Variants in SDHA observed in about 807,000 individuals in gnomAD.
SDHA encodes the protein succinate dehydrogenase complex flavoprotein subunit A, also known as succinate dehydrogenase [ubiquinone] flavoprotein subunit, mitochondrial.
In SDHA, 48 loss-of-function variants were observed where a neutral mutation model predicts 78.4. The ratio of observed to expected loss-of-function variants is 0.61; its 90% confidence interval spans 0.49 to 0.78. The LOEUF is 0.78. Ranked by LOEUF, SDHA falls within the 30% of genes least tolerant of loss-of-function variation. The pLI is 0.00. For synonymous variants in SDHA, 326 were observed against 353.9 expected (o/e 0.92, Z 0.88); for missense variants, 680 against 892.7 (o/e 0.76, Z 3.04).
intron 11 of SDHA, among the ~76,000 whole-genome samples, chr5:242,115 T>A (rs1197530460): frequency 6.6e-6 from 1 of 152,160 alleles, no homozygotes; most frequent in Non-Finnish European, 1.5e-5. Flanking sequence ...CTCGTGGAAA[T>A]GCGTTCCGTT....
downstream of SDHA, among the ~76,000 whole-genome samples, chr5:257,418 C>G (rs866081164): frequency 2.2e-5 from 2 of 92,738 alleles, no homozygotes; most frequent in Middle Eastern, 5.4e-3. Context: ...ACTCTGTGAA[C>G]ACCACCTGTC....
chr5:241,291 T>C (rs1057331877), intron 11 of SDHA, among the ~76,000 whole-genome samples: 2 of 152,136 alleles, frequency 1.3e-5, no homozygotes, highest in African/African-American at 4.8e-5. Context: ...AGGGCAGCTT[T>C]CTCTTAGAGG....
At chr5:258,235 C>T (rs1414192231), downstream of SDHA, among the ~76,000 whole-genome samples, 2 of 123,020 alleles carry the variant, frequency 1.6e-5, no homozygotes, top group African/African-American at 4.4e-5. Context: ...GCTCCGCCCC[C>T]TGTCAGAGCA....
intron 9 of SDHA, 155 bp downstream of exon 9, chr5:235,494 C>A: frequency 1.3e-6 from 1 of 771,622 alleles, no homozygotes; most frequent in South Asian, 1.5e-5. Context: ...ATTTCTATTA[C>A]CGGAGGATGG....
Position 228,092 on chromosome 5 carries a change from A to C in SDHA, c.622-93A>C, listed in dbSNP as rs181926758. 76 of 1,278,112 alleles carry C rather than the reference A, an allele frequency of 5.9e-5. No homozygotes were observed. The African/African-American group carries it at 9.6e-4, about 16-fold the overall frequency. The allele number at this position is 1,278,112 out of a possible 1,614,324, so 79.2% of individuals were successfully genotyped here. On this transcript the variant is annotated intron_variant, in intron 5 of 14. Coordinates refer to ENST00000264932, the MANE Select transcript of SDHA (RefSeq NM_004168.4). ...TGGATTTACCTGGTCCATTTGGATC[A>C]AGTTCTTTCACCTATTCACATGAGC...
At chr5:267,789 A>G in the SDHA span, among the ~76,000 whole-genome samples, 1 of 152,230 alleles carries the variant, frequency 6.6e-6, no homozygotes, top group African/African-American at 2.4e-5. Context: ...CTAGGAGGAA[A>G]TTGAATCTGA....
chr5:222,621 T>A (rs1420977250), intron 1 of SDHA, among the ~76,000 whole-genome samples: 1 of 152,170 alleles, frequency 6.6e-6, no homozygotes, highest in Admixed American at 6.5e-5. Flanking sequence ...ATTACAGGCA[T>A]GAGCCACCGT....
the SDHA span, among the ~76,000 whole-genome samples, chr5:266,825 C>G: frequency 0.024 from 2,301 of 96,734 alleles, 164 homozygotes; most frequent in African/African-American, 0.11. Flanking sequence ...TGGCCGCTGT[C>G]TGTAAGATAT....
chr5:262,171 C>T, the SDHA span, among the ~76,000 whole-genome samples: 23 of 56,338 alleles, frequency 4.1e-4, no homozygotes, highest in Non-Finnish European at 5.3e-4. Context: ...AGAGCATTAC[C>T]GTGTGAGCTC....
chr5:258,332 C>CA (rs751490887), downstream of SDHA, among the ~76,000 whole-genome samples: 30 of 119,766 alleles, frequency 2.5e-4, 4 homozygotes, highest in Non-Finnish European at 4.4e-4. Flanking sequence ...GCCCCCCTGT[C>CA]AGAGCATTAG....
intron 8 of SDHA, chr5:233,848 A>C (rs1735585212): frequency 3.6e-6 from 2 of 554,248 alleles, no homozygotes; most frequent in Non-Finnish European, 3.3e-6. Context: ...TTCTTTCTCA[A>C]ATCTGTGGAA....
chr5:233,673 CTG>C (rs1307824374), intron 8 of SDHA, 28 bp downstream of exon 8: 1 of 1,612,692 alleles, frequency 6.2e-7, no homozygotes, highest in Admixed American at 1.7e-5. Flanking sequence ...CCAGCACTGT[CTG>C]AGCGGGCACA....
At chr5:240,552 A>T (rs1455431359) in intron 11 of SDHA, 76 bp downstream of exon 11, 1 of 952,188 alleles carries the variant, frequency 1.1e-6, no homozygotes, top group East Asian at 2.4e-5. Flanking sequence ...TTTTTTAAAA[A>T]CTAGATCTAG....
downstream of SDHA, among the ~76,000 whole-genome samples, chr5:259,931 C>T (rs1469780031): frequency 1.7e-4 from 6 of 36,298 alleles, no homozygotes; most frequent in South Asian, 1.1e-3. Flanking sequence ...AGAGCATTAC[C>T]GTGTGAGCTC....
At chr5:264,873 G>A in the SDHA span, among the ~76,000 whole-genome samples, 7 of 152,178 alleles carry the variant, frequency 4.6e-5, no homozygotes, top group Non-Finnish European at 1.0e-4. Context: ...ATTATCTGGG[G>A]TGGGAGTTAA....
chr5:245,795 A>G (rs1396968923), intron 11 of SDHA, among the ~76,000 whole-genome samples: 1 of 152,214 alleles, frequency 6.6e-6, no homozygotes, highest in African/African-American at 2.4e-5. Flanking sequence ...CATTAACTGG[A>G]TACACCCTGC....
chr5:261,245 G>A, downstream of SDHA, among the ~76,000 whole-genome samples: 1 of 9,500 alleles, frequency 1.1e-4, no homozygotes, highest in Non-Finnish European at 2.0e-4. Context: ...GCATTACCGT[G>A]TGAGCTCCGC....
chr5:262,388 G>GATCCGCCCCCTGTCAT, the SDHA span, among the ~76,000 whole-genome samples: 9 of 122,944 alleles, frequency 7.3e-5, 3 homozygotes, highest in African/African-American at 3.3e-4. Flanking sequence ...TCCTGTCCAA[G>GATCCGCCCCCTGTCAT]CATTACTGTG....
At chr5:236,192 T>C in intron 9 of SDHA, 2 of 537,900 alleles carry the variant, frequency 3.7e-6, no homozygotes, top group South Asian at 2.0e-5. Context: ...GCCCCGCTAA[T>C]TTTTGTATTT....
Sources: gnomAD v4.1 joint callset for allele counts (sites outside exome capture counted in the v4.1 genomes callset) on GRCh38, gnomAD v4.1.1 for gene constraint, MANE v1.5 for transcripts, NCBI Gene and HGNC (gene_info 2026-07-23, HGNC 2026-07-21) for gene names.